Variants in GIGYF2 observed in about 807,000 individuals in gnomAD.
GIGYF2 encodes the protein GRB10-interacting GYF protein 2.
In GIGYF2, 25 loss-of-function variants were observed where a neutral mutation model predicts 208.1. The ratio of observed to expected loss-of-function variants is 0.12; its 90% CI spans 0.09 to 0.17. GIGYF2 has a LOEUF of 0.17. Among genes scored for constraint, GIGYF2 ranks in the 10% least tolerant of loss-of-function variants. GIGYF2 has a pLI of 1.00. For missense variants in GIGYF2, 1,302 were observed against 1,579.4 expected (o/e 0.82, Z 2.98); for synonymous variants, 534 against 543.8 (o/e 0.98, Z 0.25).
In GIGYF2 at chr2:232,727,454, G is replaced by C. The variant is rs113819238; in HGVS notation, c.-43-7701G>C. Among the ~76,000 whole-genome samples the C allele has an allele frequency of 5.7e-3, 874 of 152,310 alleles. 3 individuals carry two copies. The highest frequency in any genetic ancestry group is 0.02 in the African/African-American group (833 of 41,564). On this transcript the variant is annotated intron_variant, in intron 2 of 28. Coordinates refer to ENST00000373563, the MANE Select transcript of GIGYF2 (RefSeq NM_001103146.3). ...GTGAACATGTTTGTCTGAATGTGAA[G>C]TATGGAGGGATACACACTAGGCTGT...
chr2:232,787,114 G>T (rs1457656502), intron 8 of GIGYF2, 36 bp from the exon 9 acceptor site: 2 of 1,498,170 alleles, frequency 1.3e-6, no homozygotes, highest in Admixed American at 1.7e-5. Flanking sequence ...TACTGGCAGA[G>T]GCTCATGTTT....
At chr2:232,760,664 G>A in intron 7 of GIGYF2, 73 bp downstream of exon 7, 1 of 929,202 alleles carries the variant, frequency 1.1e-6, no homozygotes, top group Non-Finnish European at 1.7e-6. Flanking sequence ...TCTGCGGGGA[G>A]AAATGTTTTT....
intron 8 of GIGYF2, among the ~76,000 whole-genome samples, chr2:232,783,431 T>C (rs549240194): frequency 6.6e-6 from 1 of 152,272 alleles, no homozygotes; most frequent in East Asian, 1.9e-4. Flanking sequence ...CCAGTTCTTA[T>C]CTACACACCT....
chr2:232,704,682 C>T (rs1490952741), intron 2 of GIGYF2, among the ~76,000 whole-genome samples: 2 of 151,962 alleles, frequency 1.3e-5, no homozygotes, highest in Middle Eastern at 3.2e-3. Flanking sequence ...CAGGTGTGAG[C>T]CACCACATAT....
chr2:232,757,778 C>G (rs1010146063), intron 6 of GIGYF2, among the ~76,000 whole-genome samples: 4 of 148,922 alleles, frequency 2.7e-5, no homozygotes, highest in Non-Finnish European at 6.0e-5. Context: ...CACCCCCCGC[C>G]CCCCGCCATT....
intron 2 of GIGYF2, among the ~76,000 whole-genome samples, chr2:232,734,776 T>C (rs1447482253): frequency 2.0e-5 from 3 of 152,178 alleles, no homozygotes; most frequent in African/African-American, 7.2e-5. Flanking sequence ...GAGTCATTAC[T>C]AGGAAGTAAT....
At chr2:232,837,911 A>G (rs190850523) in intron 22 of GIGYF2, among the ~76,000 whole-genome samples, 1 of 152,324 alleles carries the variant, frequency 6.6e-6, no homozygotes, top group East Asian at 1.9e-4. Flanking sequence ...GTCAGCGCAG[A>G]ACAAGAAGAG....
chr2:232,812,212 T>G (rs1700754048), intron 17 of GIGYF2, among the ~76,000 whole-genome samples, 179 bp from the exon 18 acceptor site: 1 of 152,208 alleles, frequency 6.6e-6, no homozygotes, highest in South Asian at 2.1e-4. Context: ...GTGATCATTG[T>G]GCCCTTCTCT....
intron 23 of GIGYF2, among the ~76,000 whole-genome samples, chr2:232,842,029 C>T (rs374272802): frequency 2.6e-5 from 4 of 151,282 alleles, no homozygotes; most frequent in East Asian, 3.9e-4. Context: ...TTTTTTGAGA[C>T]GGGTGTCACT....
chr2:232,772,928 T>G (rs961487884), intron 8 of GIGYF2, among the ~76,000 whole-genome samples: 1 of 152,172 alleles, frequency 6.6e-6, no homozygotes, highest in African/African-American at 2.4e-5. Flanking sequence ...GAATTGGATA[T>G]TGGCCACCTG....
intron 28 of GIGYF2, among the ~76,000 whole-genome samples, chr2:232,852,067 A>C (rs1370752196): frequency 2.6e-5 from 4 of 152,146 alleles, no homozygotes; most frequent in Non-Finnish European, 5.9e-5. Context: ...AGGGGAATTG[A>C]GTGTTGACTG....
chr2:232,773,615 A>G (rs1392046512), intron 8 of GIGYF2, among the ~76,000 whole-genome samples: 2 of 152,168 alleles, frequency 1.3e-5, no homozygotes, highest in Non-Finnish European at 2.9e-5. Context: ...TGTCTCAAGT[A>G]TCTGTATTAA....
At chr2:232,714,145 G>T (rs1409454234) in intron 2 of GIGYF2, among the ~76,000 whole-genome samples, 2 of 151,968 alleles carry the variant, frequency 1.3e-5, no homozygotes, top group Non-Finnish European at 2.9e-5. Flanking sequence ...TAGAGACAGG[G>T]TTTCACCATG....
chr2:232,739,649 G>A (rs1405073237), intron 3 of GIGYF2, among the ~76,000 whole-genome samples: 1 of 151,922 alleles, frequency 6.6e-6, no homozygotes, highest in African/African-American at 2.4e-5. Flanking sequence ...TCCAGCCTGG[G>A]TGATAGAGCA....
chr2:232,810,214 C>T (rs1440537194), intron 16 of GIGYF2: 4 of 182,638 alleles, frequency 2.2e-5, no homozygotes, highest in African/African-American at 9.5e-5. Context: ...CCTCGAACTC[C>T]CAGCCTCAAG....
intron 5 of GIGYF2, 76 bp from the exon 6 acceptor site, chr2:232,756,147 G>C: frequency 1.2e-6 from 1 of 800,668 alleles, no homozygotes; most frequent in Admixed American, 2.5e-5. Flanking sequence ...GAAGCAACAT[G>C]TAGTTTTATC....
chr2:232,828,752 T>A (rs1001510214), intron 21 of GIGYF2: 3 of 152,138 alleles, frequency 2.0e-5, no homozygotes, highest in Non-Finnish European at 2.9e-5. Flanking sequence ...CTAGTTTTTT[T>A]AAAAAGGAAA....
At chr2:232,757,356 A>G (rs12987513) in intron 6 of GIGYF2, among the ~76,000 whole-genome samples, 51,510 of 151,222 alleles carry the variant, frequency 0.34, 9,214 homozygotes, top group South Asian at 0.62. Flanking sequence ...TCTTTAGAGA[A>G]TATTTTTTTT....
rs1190005364 is a variant in GIGYF2 at position 232,857,752 on chromosome 2, C to T, written c.*892C>T. 1 of 152,592 alleles carries T rather than the reference C, an allele frequency of 6.6e-6. No homozygotes were observed. The highest frequency in any genetic ancestry group is 1.5e-5 in the Non-Finnish European group (1 of 68,032). The allele number at this position is 152,592 out of a possible 1,614,324, so 9.5% of individuals were successfully genotyped here. A position where few individuals can be genotyped will look rare whatever the true frequency, so the allele number is the denominator to read the frequency against. On this transcript the variant is annotated 3_prime_UTR_variant, in exon 29 of 29. Transcript: ENST00000373563. ...GTCTCGTTTAAGAGGCAGCTAGAAT[C>T]TTTACCATATGTATGAATTTGTATA...
Sources: gnomAD v4.1 joint callset for allele counts (sites outside exome capture counted in the v4.1 genomes callset) on GRCh38, gnomAD v4.1.1 for gene constraint, MANE v1.5 for transcripts, NCBI Gene and HGNC (gene_info 2026-07-23, HGNC 2026-07-21) for gene names.